KITLG: variants seen among roughly 807,000 people sequenced by gnomAD.
KITLG encodes the protein c-Kit ligand.
Under a neutral mutation model 34.1 loss-of-function variants are expected in KITLG, and 13 were observed. The observed-to-expected ratio is 0.38, with a 90% CI of 0.25 to 0.61. The LOEUF is 0.61. KITLG is among the 20% of genes least tolerant of loss of function. The probability of loss-of-function intolerance (pLI) is 0.60; values close to 1 mark genes in which losing one functional copy is unlikely to be tolerated. For missense variants in KITLG, 292 were observed against 318.9 expected, an observed-to-expected ratio of 0.92 and a Z score of 0.64; for synonymous variants, 110 against 104.0, an observed-to-expected ratio of 1.06 and a Z score of -0.35.
rs545269334 is a variant in KITLG at position 88,507,020 on chromosome 12, C to A, written c.714+8G>T. The A allele has an allele frequency of 2.8e-6, 4 of 1,414,170 alleles. No individual in the cohort carries two copies. The South Asian group carries it at 3.4e-5, about 12-fold the overall frequency. The allele number at this position is 1,414,170 out of a possible 1,614,324, so 87.6% of individuals were successfully genotyped here. On this transcript the variant is annotated splice_region_variant and intron_variant, in intron 7 of 9. Transcript: ENST00000644744. ...CATATTTTTAAAAAAAGGAATGGTA[C>A]CACTTACCTTCCAGTATAAGGCTCC...
intron 4 of KITLG, 86 bp downstream of exon 4, chr12:88,518,611 G>T: frequency 1.0e-6 from 1 of 974,022 alleles, no homozygotes; most frequent in Non-Finnish European, 1.6e-6. Flanking sequence ...CATAAATAAA[G>T]GTGCCTCATT....
At chr12:88,569,824 C>T (rs1445955332) in intron 1 of KITLG, among the ~76,000 whole-genome samples, 1 of 152,088 alleles carries the variant, frequency 6.6e-6, no homozygotes, top group African/African-American at 2.4e-5. Context: ...CAAGGTGATG[C>T]TGCTGATAAG....
intron 1 of KITLG, among the ~76,000 whole-genome samples, chr12:88,550,690 T>C (rs1870880853): frequency 6.6e-6 from 1 of 152,220 alleles, no homozygotes; most frequent in Non-Finnish European, 1.5e-5. Flanking sequence ...CTAACTCCTG[T>C]CCTTTTAGCC....
chr12:88,506,415 C>A (rs1323216655), intron 7 of KITLG, 37 bp from the exon 8 acceptor site: 1 of 1,387,212 alleles, frequency 7.2e-7, no homozygotes, highest in Admixed American at 1.7e-5. Flanking sequence ...GTAAAATAAT[C>A]AATGAATGGT....
At chr12:88,512,219 A>T (rs1246653811) in intron 6 of KITLG, among the ~76,000 whole-genome samples, 1 of 152,196 alleles carries the variant, frequency 6.6e-6, no homozygotes, top group African/African-American at 2.4e-5. Context: ...TTAAACAATT[A>T]ACTGGACATT....
In KITLG at chr12:88,495,335, T is replaced by C. The variant is rs1868595202; in HGVS notation, c.*1884A>G. 6.6e-6 allele frequency: 1 copy of C among 152,086 alleles called. No individual in the cohort carries two copies. Among genetic ancestry groups the C allele is most frequent in the African/African-American group, 2.4e-5 (1 of 41,436 alleles). 9.4% of individuals were successfully genotyped at this position (152,086 alleles called of 1,614,324 possible). Reference sequence around the variant, plus strand: ...CCTACACGCATAACTCATATTAATCTGTATCTATTTTCCTGAAAACAGTCA... The same window carrying C: ...CCTACACGCATAACTCATATTAATCCGTATCTATTTTCCTGAAAACAGTCA... On this transcript the variant is annotated 3_prime_UTR_variant, in exon 10 of 10. Coordinates refer to ENST00000644744, the MANE Select transcript of KITLG (RefSeq NM_000899.5).
intron 6 of KITLG, 127 bp from the exon 7 acceptor site, chr12:88,507,264 A>C: frequency 3.1e-6 from 2 of 654,018 alleles, no homozygotes; most frequent in Non-Finnish European, 5.5e-6. Context: ...AGTATTCAAA[A>C]GATTGATTTT....
Position 88,543,766 on chromosome 12 carries a change from T to C in KITLG, c.129+1986A>G, listed in dbSNP as rs113502828. ...TAGACCATTGGGTATTAAGATAACA[T>C]ACATTAAAAAGTAGTTTTGCACCAT... On this transcript the variant is annotated intron_variant, in intron 2 of 9. Transcript: ENST00000644744. 1.2e-4 allele frequency among the ~76,000 whole-genome samples: 18 copies of C among 152,296 alleles called. 1 individual carries two copies. Among genetic ancestry groups the C allele is most frequent in the African/African-American group, 3.8e-4 (16 of 41,582 alleles).
At chr12:88,532,363 A>T in intron 3 of KITLG, 78 bp downstream of exon 3, 2 of 1,005,986 alleles carry the variant, frequency 2.0e-6, no homozygotes, top group Non-Finnish European at 3.1e-6. Context: ...AATAGCAGCT[A>T]GTGTACTATC....
Position 88,580,430 on chromosome 12 carries a change from C to T in KITLG, c.-152G>A, listed in dbSNP as rs12424567. The stretch of plus-strand genomic sequence containing the variant: ...AGCGCCCTCTCCACTGTCCCTGCTT[C>T]CCGCAGCGCTTCTAGTCTCGGCGCG... On this transcript the variant is annotated 5_prime_UTR_variant, in exon 1 of 10. Coordinates refer to ENST00000644744, the MANE Select transcript of KITLG (RefSeq NM_000899.5). 1.1e-5 allele frequency: 10 copies of T among 919,980 alleles called. No individual in the cohort carries two copies. Among genetic ancestry groups the T allele is most frequent in the South Asian group, 2.9e-5 (2 of 68,242 alleles). 57.0% of individuals were successfully genotyped at this position (919,980 alleles called of 1,614,324 possible).
chr12:88,493,921 A>G lies in KITLG; in HGVS notation c.*3298T>C, dbSNP rs1266401714. On this transcript the variant is annotated 3_prime_UTR_variant, in exon 10 of 10. Coordinates refer to ENST00000644744, the MANE Select transcript of KITLG (RefSeq NM_000899.5). ...TTAAGACTGAATTTCACTTTTACTA[A>G]TGGACACTATTTACATTAGAAACAA... is the stretch of plus-strand genomic sequence containing the variant. 1 of 151,970 alleles carries G rather than the reference A, an allele frequency of 6.6e-6. No individual in the cohort carries two copies. The highest frequency in any genetic ancestry group is 1.5e-5 in the Non-Finnish European group (1 of 67,872). The allele number at this position is 151,970 out of a possible 1,614,324, so 9.4% of individuals were successfully genotyped here. A position where few individuals can be genotyped will look rare whatever the true frequency, so the allele number is the denominator to read the frequency against.
chr12:88,541,056 A>G (rs1870501336), intron 2 of KITLG, among the ~76,000 whole-genome samples: 1 of 152,174 alleles, frequency 6.6e-6, no homozygotes, highest in Non-Finnish European at 1.5e-5. Flanking sequence ...CTTCACTTTA[A>G]TGCAGTGGTA....
intron 2 of KITLG, among the ~76,000 whole-genome samples, chr12:88,535,957 A>G (rs1444521754): frequency 1.3e-5 from 2 of 152,186 alleles, no homozygotes; most frequent in Non-Finnish European, 2.9e-5. Context: ...GCTGGAAGAA[A>G]ACTTAGTAAA....
chr12:88,576,547 G>A (rs936405571), intron 1 of KITLG, among the ~76,000 whole-genome samples: 6 of 152,044 alleles, frequency 3.9e-5, no homozygotes, highest in Admixed American at 1.3e-4. Context: ...ACCACCATGC[G>A]AGAAAAATCT....
chr12:88,564,038 A>G (rs1239033745), intron 1 of KITLG, among the ~76,000 whole-genome samples: 1 of 152,198 alleles, frequency 6.6e-6, no homozygotes, highest in Admixed American at 6.5e-5. Flanking sequence ...TCAGGATAGG[A>G]GTACTGGCAT....
At chr12:88,538,860 T>C (rs757643270) in intron 2 of KITLG, among the ~76,000 whole-genome samples, 1 of 152,146 alleles carries the variant, frequency 6.6e-6, no homozygotes, top group Non-Finnish European at 1.5e-5. Flanking sequence ...TATGCCAGAT[T>C]GTAAAATAAA....
intron 2 of KITLG, among the ~76,000 whole-genome samples, chr12:88,536,764 C>T (rs1352880260): frequency 2.0e-5 from 3 of 152,086 alleles, no homozygotes; most frequent in South Asian, 2.1e-4. Flanking sequence ...TGTTCTCACT[C>T]ATAAGTGGGA....
At chr12:88,529,902 G>A (rs1307875875) in intron 3 of KITLG, among the ~76,000 whole-genome samples, 1 of 152,186 alleles carries the variant, frequency 6.6e-6, no homozygotes, top group Non-Finnish European at 1.5e-5. Context: ...TTCTCCAGTT[G>A]TGCCAGTATA....
chr12:88,579,676 G>T (rs1018444864), intron 1 of KITLG, among the ~76,000 whole-genome samples: 4 of 152,140 alleles, frequency 2.6e-5, no homozygotes, highest in Non-Finnish European at 5.9e-5. Context: ...TGCAAACTAG[G>T]CAGACACCGC....
Sources: gnomAD v4.1 joint callset for allele counts (sites outside exome capture counted in the v4.1 genomes callset) on GRCh38, gnomAD v4.1.1 for gene constraint, MANE v1.5 for transcripts, NCBI Gene and HGNC (gene_info 2026-07-23, HGNC 2026-07-21) for gene names.